Variants in ARID1B observed in about 807,000 individuals in gnomAD.
ARID1B encodes AT-rich interactive domain-containing protein 1B.
A neutral mutation model predicts 212.3 loss-of-function variants in ARID1B; 30 were observed. The ratio of observed to expected loss-of-function variants is 0.14; its 90% CI spans 0.11 to 0.19. The LOEUF (loss-of-function observed/expected upper bound fraction) is 0.19, where lower values mean the gene tolerates loss of function less well. Among genes scored for constraint, ARID1B ranks in the 10% least tolerant of loss-of-function variants. The pLI, the probability that ARID1B is intolerant of heterozygous loss-of-function variation, is 1.00. For missense variants in ARID1B, 2,891 were observed against 3,204.0 expected, an observed-to-expected ratio of 0.90 and a Z score of 2.36; for synonymous variants, 1,402 against 1,301.7, an observed-to-expected ratio of 1.08 and a Z score of -1.66.
In ARID1B at chr6:157,208,715, C is replaced by CTTT. The variant is rs878880822; in HGVS notation, c.*840_*842dup. 0.02 allele frequency: 3,046 copies of CTTT among 149,840 alleles called. 66 individuals carry two copies. The highest frequency in any genetic ancestry group is 0.083 in the African/African-American group (2,352 of 28,298). 9.3% of individuals were successfully genotyped at this position (149,840 alleles called of 1,614,324 possible). A position where few individuals can be genotyped will look rare whatever the true frequency, so the allele number is the denominator to read the frequency against. On this transcript the variant is annotated 3_prime_UTR_variant, in exon 20 of 20. Transcript: ENST00000636930. Reference sequence around the variant, plus strand: ...AAACATACCCTCATTTTTTTCTTTTCTTTTTTTTTTTTTTTTTTAGTACAA... The same window carrying CTTT: ...AAACATACCCTCATTTTTTTCTTTTCTTTTTTTTTTTTTTTTTTTTTAGTACAA...
chr6:156,786,243 A>G (rs918987964), intron 1 of ARID1B, among the ~76,000 whole-genome samples: 4 of 151,874 alleles, frequency 2.6e-5, no homozygotes, highest in Non-Finnish European at 5.9e-5. Context: ...TCTCACCCCT[A>G]CCAACCCAGA....
intron 4 of ARID1B, among the ~76,000 whole-genome samples, chr6:157,012,033 T>C (rs1218289477): frequency 6.6e-6 from 1 of 152,234 alleles, no homozygotes; most frequent in African/African-American, 2.4e-5. Context: ...CATAAATGTC[T>C]ATAAAATAGC....
chr6:157,131,933 C>T (rs796306824), intron 6 of ARID1B, among the ~76,000 whole-genome samples: 19 of 152,330 alleles, frequency 1.2e-4, no homozygotes, highest in African/African-American at 4.6e-4. Flanking sequence ...TCGTGATCCA[C>T]CCACCTCGAC....
chr6:156,843,670 A>G (rs1784048380), intron 2 of ARID1B, among the ~76,000 whole-genome samples: 1 of 152,200 alleles, frequency 6.6e-6, no homozygotes, highest in African/African-American at 2.4e-5. Flanking sequence ...AATTTTAAAA[A>G]TTGGTATTTT....
At chr6:156,818,471 T>G (rs144111105) in intron 1 of ARID1B, among the ~76,000 whole-genome samples, 1 of 152,362 alleles carries the variant, frequency 6.6e-6, no homozygotes, top group Non-Finnish European at 1.5e-5. Context: ...GTAACTTCTC[T>G]GTCTTTACGT....
intron 4 of ARID1B, among the ~76,000 whole-genome samples, chr6:156,977,284 CTT>C (rs199671090): frequency 2.3e-4 from 30 of 128,718 alleles, no homozygotes; most frequent in Admixed American, 4.6e-4. Flanking sequence ...CCTGTCTCCT[CTT>C]TTTTTTTTTT....
At chr6:156,880,267 A>AG (rs1786935580) in intron 2 of ARID1B, among the ~76,000 whole-genome samples, 1 of 152,208 alleles carries the variant, frequency 6.6e-6, no homozygotes, top group African/African-American at 2.4e-5. Context: ...TGGTAGTGAA[A>AG]GGAGAGAGAA....
intron 4 of ARID1B, among the ~76,000 whole-genome samples, chr6:157,049,410 G>A (rs1782444537): frequency 6.6e-6 from 1 of 152,176 alleles, no homozygotes; most frequent in African/African-American, 2.4e-5. Flanking sequence ...AGGAACTGGA[G>A]AGAAGTACGG....
At chr6:156,808,932 T>C (rs1047013593) in intron 1 of ARID1B, among the ~76,000 whole-genome samples, 4 of 152,200 alleles carry the variant, frequency 2.6e-5, no homozygotes, top group Non-Finnish European at 5.9e-5. Context: ...CACGAGTTTG[T>C]TTTATCTGTG....
chr6:157,067,838 A>G lies in ARID1B; in HGVS notation c.2248-16824A>G, dbSNP rs535772501. The stretch of plus-strand genomic sequence containing the variant: ...GCCTTTTCTTCCTGTATCCTGCCAT[A>G]TGTAATTGCAGAGTGTACATGGTCA... On this transcript the variant is annotated intron_variant, in intron 4 of 19. Coordinates refer to ENST00000636930, the MANE Select transcript of ARID1B (RefSeq NM_001374828.1). Among the ~76,000 whole-genome samples the G allele has an allele frequency of 1.7e-4, 26 of 152,086 alleles. No individual in the cohort carries two copies. The South Asian group carries it at 2.7e-3, about 16-fold the overall frequency.
At chr6:156,855,281 G>GT (rs139217777) in intron 2 of ARID1B, among the ~76,000 whole-genome samples, 321 of 152,288 alleles carry the variant, frequency 2.1e-3, no homozygotes, top group African/African-American at 7.4e-3. Flanking sequence ...CGAGCACATT[G>GT]TTTTTTGATT....
chr6:156,994,907 A>G (rs1778497599), intron 4 of ARID1B, among the ~76,000 whole-genome samples: 1 of 152,230 alleles, frequency 6.6e-6, no homozygotes, highest in African/African-American at 2.4e-5. Flanking sequence ...CTGCCAGAAC[A>G]TGACGGTTGG....
intron 4 of ARID1B, among the ~76,000 whole-genome samples, chr6:157,067,711 A>G (rs1783760072): frequency 6.6e-6 from 1 of 152,132 alleles, no homozygotes; most frequent in Non-Finnish European, 1.5e-5. Context: ...GTTTATTCAC[A>G]CAGAAAGTAT....
intron 4 of ARID1B, among the ~76,000 whole-genome samples, chr6:157,062,285 C>T (rs1783389986): frequency 6.6e-6 from 1 of 151,912 alleles, no homozygotes; most frequent in African/African-American, 2.4e-5. Context: ...CAGCCTCCAA[C>T]TGCTGGGCTC....
intron 6 of ARID1B, among the ~76,000 whole-genome samples, chr6:157,119,131 A>G (rs546221568): frequency 2.0e-5 from 3 of 152,160 alleles, no homozygotes; most frequent in Non-Finnish European, 4.4e-5. Flanking sequence ...GCCCCAAACT[A>G]ATTAGTCACC....
intron 4 of ARID1B, among the ~76,000 whole-genome samples, chr6:156,960,304 A>G (rs1040470890): frequency 6.6e-6 from 1 of 152,134 alleles, no homozygotes; most frequent in African/African-American, 2.4e-5. Flanking sequence ...GGCTGTGTAC[A>G]TATGTCCTGC....
At chr6:156,951,967 T>C (rs1475781959) in intron 4 of ARID1B, among the ~76,000 whole-genome samples, 1 of 152,220 alleles carries the variant, frequency 6.6e-6, no homozygotes, top group Admixed American at 6.5e-5. Flanking sequence ...CTGTTTTTGC[T>C]GTAACTTGCT....
chr6:157,000,775 CCT>C (rs1778868725), intron 4 of ARID1B, among the ~76,000 whole-genome samples: 1 of 147,632 alleles, frequency 6.8e-6, no homozygotes, highest in African/African-American at 2.5e-5. Context: ...CTCAGTACAA[CCT>C]CTGTCTCCCA....
At chr6:156,792,004 A>G (rs1780046712) in intron 1 of ARID1B, among the ~76,000 whole-genome samples, 1 of 152,206 alleles carries the variant, frequency 6.6e-6, no homozygotes, top group Non-Finnish European at 1.5e-5. Context: ...AGTCTTTCAA[A>G]AGCAGAAATC....
Sources: allele counts gnomAD v4.1 joint callset (sites outside exome capture counted in the v4.1 genomes callset), GRCh38; gene constraint gnomAD v4.1.1; transcripts MANE v1.5; gene names NCBI Gene and HGNC (gene_info 2026-07-23, HGNC 2026-07-21).